The following GSG1L variants were observed in gnomAD, a reference collection of about 807,000 sequenced individuals.
The protein encoded by GSG1L is GSG1 like, also known as germ cell-specific gene 1-like protein.
In GSG1L, 24 loss-of-function variants were observed where a neutral mutation model predicts 42.1. The observed-to-expected ratio is 0.57, with a 90% CI of 0.41 to 0.80. The LOEUF (loss-of-function observed/expected upper bound fraction) is 0.80. Ranked by LOEUF, GSG1L falls within the 30% of genes least tolerant of loss-of-function variation. GSG1L has a pLI of 0.00. For missense variants in GSG1L, 445 were observed against 472.2 expected (o/e 0.94, Z 0.53); for synonymous variants, 215 against 203.5 (o/e 1.06, Z -0.48).
At chr16:27,850,668 C>A in intron 3 of GSG1L, 1 of 444,918 alleles carries the variant, frequency 2.2e-6, no homozygotes. Context: ...ATAGAGAAAG[C>A]TTTCAAAGCA....
At chr16:27,987,222 A>G (rs925158379) in intron 1 of GSG1L, among the ~76,000 whole-genome samples, 62 of 152,116 alleles carry the variant, frequency 4.1e-4, no homozygotes, top group African/African-American at 1.4e-3. Flanking sequence ...GTCTCAAAAA[A>G]AAAAAAAAAA....
At chr16:27,971,024 A>G (rs2085187992) in intron 1 of GSG1L, among the ~76,000 whole-genome samples, 1 of 152,216 alleles carries the variant, frequency 6.6e-6, no homozygotes, top group South Asian at 2.1e-4. Context: ...GTCTCTCCTT[A>G]TACTACACTA....
At chr16:27,872,686 AGTGCCCTCTG>A (rs1392817027) in intron 3 of GSG1L, among the ~76,000 whole-genome samples, 1 of 152,180 alleles carries the variant, frequency 6.6e-6, no homozygotes, top group Non-Finnish European at 1.5e-5. Context: ...TGGTGACAAA[AGTGCCCTCTG>A]GTTGTCCTTA....
rs113153102 is a variant in GSG1L at position 27,867,848 on chromosome 16, C to CA, written c.550+16637dup. Among the ~76,000 whole-genome samples, 491 of 152,306 alleles carry CA rather than the reference C, an allele frequency of 3.2e-3. 1 individual carries two copies. The highest frequency in any genetic ancestry group is 0.011 in the African/African-American group (458 of 41,568). On this transcript the variant is annotated intron_variant, in intron 3 of 6. Coordinates refer to ENST00000447459, the MANE Select transcript of GSG1L (RefSeq NM_001109763.2). ...CCAGCCACTTCCTGGCCACGCCCCT[C>CA]AAAGTCCAGCTTTCCGGCTGAGTCG...
At chr16:28,010,917 G>C (rs886077149) in intron 1 of GSG1L, among the ~76,000 whole-genome samples, 4 of 152,146 alleles carry the variant, frequency 2.6e-5, no homozygotes, top group Non-Finnish European at 5.9e-5. Flanking sequence ...TGTCTCCCCT[G>C]TGCCAGCCTC....
chr16:28,014,858 C>A (rs2141159862), intron 1 of GSG1L, among the ~76,000 whole-genome samples: 1 of 152,144 alleles, frequency 6.6e-6, no homozygotes, highest in Non-Finnish European at 1.5e-5. Context: ...GTATAATAAA[C>A]CTTTCTTGCA....
intron 2 of GSG1L, among the ~76,000 whole-genome samples, chr16:27,887,445 C>T (rs1375802444): frequency 1.3e-5 from 2 of 152,168 alleles, no homozygotes; most frequent in East Asian, 1.9e-4. Context: ...CTGAGGCTGC[C>T]GGTCCTTTGT....
intron 2 of GSG1L, among the ~76,000 whole-genome samples, chr16:27,891,522 T>C (rs1432207408): frequency 1.3e-5 from 2 of 152,128 alleles, no homozygotes. Flanking sequence ...CTGGAGTGCA[T>C]TGTGCAGTGG....
chr16:27,939,278 C>G (rs572603334), intron 2 of GSG1L, among the ~76,000 whole-genome samples: 1 of 152,248 alleles, frequency 6.6e-6, no homozygotes, highest in East Asian at 1.9e-4. Context: ...CGCACCACCA[C>G]ACCCAGCTTT....
intron 2 of GSG1L, among the ~76,000 whole-genome samples, chr16:27,960,087 G>A (rs759689512): frequency 6.6e-6 from 1 of 152,058 alleles, no homozygotes; most frequent in African/African-American, 2.4e-5. Context: ...TGGCATTTGA[G>A]AAGGGCCTGG....
chr16:27,869,150 G>A (rs1419636849), intron 3 of GSG1L, among the ~76,000 whole-genome samples: 3 of 147,282 alleles, frequency 2.0e-5, no homozygotes, highest in Non-Finnish European at 2.9e-5. Context: ...CACTGAGGAT[G>A]GGCTCAGCTC....
At chr16:28,000,130 C>T (rs1037719849) in intron 1 of GSG1L, among the ~76,000 whole-genome samples, 4 of 152,306 alleles carry the variant, frequency 2.6e-5, no homozygotes, top group Admixed American at 2.0e-4. Context: ...ATAGAACCAG[C>T]CCTTAACCAT....
chr16:27,836,648 C>T (rs952856154), intron 4 of GSG1L, among the ~76,000 whole-genome samples: 4 of 152,106 alleles, frequency 2.6e-5, no homozygotes, highest in Admixed American at 2.6e-4. Flanking sequence ...TGAGCCCAAC[C>T]ATTGAGCTTT....
At chr16:27,899,256 C>T (rs1351336596) in intron 2 of GSG1L, among the ~76,000 whole-genome samples, 1 of 152,248 alleles carries the variant, frequency 6.6e-6, no homozygotes, top group Non-Finnish European at 1.5e-5. Flanking sequence ...TGCGAGTTGG[C>T]AGTGTAGCCC....
chr16:27,886,769 A>C (rs541992529), intron 2 of GSG1L, among the ~76,000 whole-genome samples: 3 of 152,304 alleles, frequency 2.0e-5, no homozygotes, highest in African/African-American at 7.2e-5. Flanking sequence ...CTTGCCTTCC[A>C]GGTCACACTA....
chr16:27,822,023 C>G (rs1408314561), intron 5 of GSG1L, among the ~76,000 whole-genome samples: 2 of 152,240 alleles, frequency 1.3e-5, no homozygotes, highest in African/African-American at 4.8e-5. Context: ...GCTACAGGCC[C>G]CCTTTTCAGG....
At chr16:27,823,961 G>A (rs1237361916) in intron 5 of GSG1L, 4 of 702,450 alleles carry the variant, frequency 5.7e-6, no homozygotes, top group East Asian at 2.7e-5. Context: ...GAAAGGCATC[G>A]CAGAAATTAA....
intron 6 of GSG1L, among the ~76,000 whole-genome samples, chr16:27,796,943 T>C (rs2082824261): frequency 6.6e-6 from 1 of 152,156 alleles, no homozygotes; most frequent in South Asian, 2.1e-4. Flanking sequence ...CCCCGGGTGC[T>C]CACAGGCACA....
intron 3 of GSG1L, among the ~76,000 whole-genome samples, chr16:27,878,935 A>G (rs1596579155): frequency 1.3e-5 from 2 of 152,198 alleles, no homozygotes; most frequent in East Asian, 3.8e-4. Flanking sequence ...CATCAGGGGT[A>G]AGGGGGTTCT....
Sources: allele counts gnomAD v4.1 joint callset (sites outside exome capture counted in the v4.1 genomes callset), GRCh38; gene constraint gnomAD v4.1.1; transcripts MANE v1.5; gene names NCBI Gene and HGNC (gene_info 2026-07-23, HGNC 2026-07-21).